The following LHFPL6 variants were observed in gnomAD, a reference collection of about 807,000 sequenced individuals.
LHFPL6 encodes the protein LHFPL tetraspan subfamily member 6, also known as LHFPL tetraspan subfamily member 6 protein.
A neutral mutation model predicts 20.6 loss-of-function variants in LHFPL6; 9 were observed. That is an observed-to-expected ratio of 0.44 (90% CI 0.26 to 0.76). The LOEUF is 0.76. Ranked by LOEUF, LHFPL6 falls within the 30% of genes least tolerant of loss-of-function variation. The pLI is 0.20. For synonymous variants in LHFPL6, 105 were observed against 98.7 expected, an observed-to-expected ratio of 1.06 and a Z score of -0.38; for missense variants, 218 against 253.5, an observed-to-expected ratio of 0.86 and a Z score of 0.95.
At chr13:39,533,111 C>A (rs972257224) in intron 2 of LHFPL6, among the ~76,000 whole-genome samples, 3 of 152,216 alleles carry the variant, frequency 2.0e-5, no homozygotes, top group African/African-American at 7.2e-5. Flanking sequence ...CAACCTTGGA[C>A]TCTAGACTGC....
At chr13:39,452,640 G>A (rs1310113903) in intron 2 of LHFPL6, among the ~76,000 whole-genome samples, 1 of 152,138 alleles carries the variant, frequency 6.6e-6, no homozygotes, top group Admixed American at 6.5e-5. Flanking sequence ...ATGATACCCA[G>A]ACACCGGGTG....
At chr13:39,484,134 T>G (rs888122607) in intron 2 of LHFPL6, among the ~76,000 whole-genome samples, 1 of 152,182 alleles carries the variant, frequency 6.6e-6, no homozygotes, top group Admixed American at 6.5e-5. Context: ...TTTCCAAGTT[T>G]TTCCCCAATC....
At chr13:39,521,846 C>T (rs1017604034) in intron 2 of LHFPL6, among the ~76,000 whole-genome samples, 3 of 152,058 alleles carry the variant, frequency 2.0e-5, no homozygotes, top group African/African-American at 7.2e-5. Flanking sequence ...TTACTTTTTT[C>T]AAAAGGCAGA....
intron 3 of LHFPL6, among the ~76,000 whole-genome samples, chr13:39,346,138 A>C (rs1869394127): frequency 6.6e-6 from 1 of 152,216 alleles, no homozygotes; most frequent in East Asian, 1.9e-4. Context: ...TTACTGGAGA[A>C]GTAGTTAGCA....
At chr13:39,526,099 A>T (rs1870278271) in intron 2 of LHFPL6, among the ~76,000 whole-genome samples, 1 of 152,210 alleles carries the variant, frequency 6.6e-6, no homozygotes. Flanking sequence ...TACATGCATT[A>T]TCATATCCCC....
rs556684830 is a variant in LHFPL6, at chr13:39,546,742, T to C, written c.385+54090A>G. On this transcript the variant is annotated intron_variant, in intron 2 of 3. Transcript: ENST00000379589. ...ACCAAGTATTGTCTATTTTATTTTGTCCTCTTTGCATCCCAACCTCTATTT... is the reference window on the plus strand; with the variant it reads ...ACCAAGTATTGTCTATTTTATTTTGCCCTCTTTGCATCCCAACCTCTATTT... Among the ~76,000 whole-genome samples, 277 of 152,194 alleles carry C rather than the reference T, an allele frequency of 1.8e-3. 5 individuals are homozygous for C. The highest frequency in any genetic ancestry group is 6.3e-3 in the African/African-American group (262 of 41,472).
intron 2 of LHFPL6, among the ~76,000 whole-genome samples, chr13:39,548,722 C>T (rs540911925): frequency 1.3e-5 from 2 of 152,050 alleles, no homozygotes; most frequent in East Asian, 1.9e-4. Context: ...TAAAAGAAAC[C>T]GGGGTTTGTC....
intron 2 of LHFPL6, among the ~76,000 whole-genome samples, chr13:39,402,719 C>T (rs893787761): frequency 3.3e-5 from 5 of 152,126 alleles, no homozygotes; most frequent in East Asian, 3.8e-4. Context: ...TGAAGGCAAA[C>T]GAATCCTCTG....
At chr13:39,408,770 C>G (rs1343226998) in intron 2 of LHFPL6, among the ~76,000 whole-genome samples, 1 of 152,172 alleles carries the variant, frequency 6.6e-6, no homozygotes, top group East Asian at 1.9e-4. Flanking sequence ...GAAAGCAGAT[C>G]CAGTTTGGAG....
At chr13:39,398,847 C>T (rs1870910117) in intron 2 of LHFPL6, among the ~76,000 whole-genome samples, 1 of 152,196 alleles carries the variant, frequency 6.6e-6, no homozygotes, top group South Asian at 2.1e-4. Context: ...ACGTTGTGCA[C>T]TCCTTATGAG....
intron 2 of LHFPL6, among the ~76,000 whole-genome samples, chr13:39,463,039 T>C (rs1311900402): frequency 2.0e-5 from 3 of 152,164 alleles, no homozygotes; most frequent in Non-Finnish European, 4.4e-5. Flanking sequence ...GGGAACCGCA[T>C]GGCTGTAGTC....
chr13:39,499,599 C>T (rs1029190347), intron 2 of LHFPL6, among the ~76,000 whole-genome samples: 1 of 152,220 alleles, frequency 6.6e-6, no homozygotes, highest in African/African-American at 2.4e-5. Flanking sequence ...CCTGGTCTAG[C>T]CTGTCTGAAA....
chr13:39,394,175 A>C (rs570804513), intron 2 of LHFPL6, among the ~76,000 whole-genome samples: 2 of 152,302 alleles, frequency 1.3e-5, no homozygotes, highest in South Asian at 4.1e-4. Flanking sequence ...CCTGGCCTCA[A>C]GCAATCCTCC....
At chr13:39,536,101 A>G (rs934730974) in intron 2 of LHFPL6, among the ~76,000 whole-genome samples, 7 of 152,186 alleles carry the variant, frequency 4.6e-5, no homozygotes, top group African/African-American at 1.7e-4. Flanking sequence ...TTGCCAGGTC[A>G]CAGCTCCAAG....
intron 2 of LHFPL6, among the ~76,000 whole-genome samples, chr13:39,502,056 C>G (rs1367473169): frequency 6.6e-6 from 1 of 152,176 alleles, no homozygotes; most frequent in Non-Finnish European, 1.5e-5. Context: ...GATTCCTTAT[C>G]ACTTGTTCTG....
intron 2 of LHFPL6, among the ~76,000 whole-genome samples, chr13:39,450,718 G>A (rs6563703): frequency 0.019 from 2,935 of 152,178 alleles, 97 homozygotes; most frequent in African/African-American, 0.066. Context: ...AGTGAATTCC[G>A]TTTCTGTAGG....
chr13:39,356,985 C>A (rs763838932), intron 3 of LHFPL6, among the ~76,000 whole-genome samples: 1 of 152,166 alleles, frequency 6.6e-6, no homozygotes, highest in African/African-American at 2.4e-5. Flanking sequence ...CCTTGAGCAA[C>A]ATGGTGAAAC....
chr13:39,594,149 C>T (rs1872701841), intron 2 of LHFPL6, among the ~76,000 whole-genome samples: 2 of 152,230 alleles, frequency 1.3e-5, no homozygotes, highest in South Asian at 2.1e-4. Context: ...TTCTGCACAG[C>T]CAAAGAAACT....
intron 2 of LHFPL6, among the ~76,000 whole-genome samples, chr13:39,547,872 A>T (rs1047743769): frequency 6.6e-6 from 1 of 152,124 alleles, no homozygotes; most frequent in Admixed American, 6.5e-5. Context: ...CAGTAAGTTA[A>T]GTGGAGCTGA....
Sources: allele counts gnomAD v4.1 joint callset (sites outside exome capture counted in the v4.1 genomes callset), GRCh38; gene constraint gnomAD v4.1.1; transcripts MANE v1.5; gene names NCBI Gene and HGNC (gene_info 2026-07-23, HGNC 2026-07-21).